MAK: variants seen among roughly 807,000 people sequenced by gnomAD.
MAK encodes male germ cell associated kinase.
MAK carries 65 observed loss-of-function variants against 82.6 expected under a neutral mutation model. That is an observed-to-expected ratio of 0.79 (90% CI 0.64 to 0.97). The LOEUF is 0.97. Among genes scored for constraint, MAK ranks in the 50% least tolerant of loss-of-function variants. The pLI, the probability that MAK is intolerant of heterozygous loss-of-function variation, is 0.00. For synonymous variants in MAK, 250 were observed against 274.2 expected (o/e 0.91, Z 0.87); for missense variants, 703 against 780.2 (o/e 0.90, Z 1.18).
chr6:10,814,836 G>A (rs762267764), intron 4 of MAK, among the ~76,000 whole-genome samples: 5 of 151,846 alleles, frequency 3.3e-5, no homozygotes, highest in East Asian at 1.9e-4. Flanking sequence ...TCAGGAGTTC[G>A]AGAGCAGCCT....
chr6:10,818,972 G>A (rs1163942697), intron 2 of MAK, 32 bp from the exon 3 acceptor site: 18 of 1,251,212 alleles, frequency 1.4e-5, no homozygotes, highest in Non-Finnish European at 2.1e-5. Flanking sequence ...TTAGTGTTCA[G>A]GGATTGAGGA....
intron 14 of MAK, among the ~76,000 whole-genome samples, chr6:10,766,776 C>T (rs1772479850): frequency 6.6e-6 from 1 of 152,074 alleles, no homozygotes; most frequent in Non-Finnish European, 1.5e-5. Flanking sequence ...ATGGGTGTGG[C>T]TCTGAGGGCA....
In MAK at chr6:10,800,923, G is replaced by C. The variant is rs1055236802; in HGVS notation, c.831+969C>G. Reference sequence around the variant, plus strand: ...GACCTCAATTTATTTTTTTCCCTAAGAGCTAATGAATTTTCCCAGTATCAC... The same window carrying C: ...GACCTCAATTTATTTTTTTCCCTAACAGCTAATGAATTTTCCCAGTATCAC... On this transcript the variant is annotated intron_variant, in intron 8 of 14. Coordinates refer to ENST00000354489, the MANE Select transcript of MAK (RefSeq NM_001242957.3). This position sits in a 1 kb window ranked among gnomAD's most constrained non-coding sequence, Gnocchi z 4.2. Among the ~76,000 whole-genome samples, 2 of 152,070 alleles carry C rather than the reference G, an allele frequency of 1.3e-5. No homozygotes were observed. The highest frequency in any genetic ancestry group is 2.9e-5 in the Non-Finnish European group (2 of 68,026).
At chr6:10,813,008 C>T (rs571605891) in intron 5 of MAK, among the ~76,000 whole-genome samples, 62 of 139,880 alleles carry the variant, frequency 4.4e-4, no homozygotes, top group African/African-American at 1.6e-3. Context: ...AAGGTGATCC[C>T]CCCCCCCGCC....
In MAK at chr6:10,836,369, C is replaced by T. The variant is rs865854875; in HGVS notation, c.-230+2134G>A. Among the ~76,000 whole-genome samples, 4 of 152,274 alleles carry T rather than the reference C, an allele frequency of 2.6e-5. No individual in the cohort carries two copies. The South Asian group carries it at 8.3e-4, about 32-fold the overall frequency. On this transcript the variant is annotated intron_variant, in intron 1 of 14. Transcript: ENST00000354489. Reference sequence around the variant, plus strand: ...ACATTAATTACAAAATCAACAGCTGCCCAGGGTGAGACGCTGATCATTGCA... The same window carrying T: ...ACATTAATTACAAAATCAACAGCTGTCCAGGGTGAGACGCTGATCATTGCA...
intron 1 of MAK, among the ~76,000 whole-genome samples, chr6:10,834,169 T>C (rs942881967): frequency 3.3e-5 from 5 of 152,218 alleles, no homozygotes; most frequent in African/African-American, 1.2e-4. Flanking sequence ...CTTTTCTAGC[T>C]AGCCTATTTA....
At chr6:10,785,519 C>G (rs1050499014) in intron 10 of MAK, among the ~76,000 whole-genome samples, 1 of 152,090 alleles carries the variant, frequency 6.6e-6, no homozygotes, top group Non-Finnish European at 1.5e-5. Context: ...GAAATGGATA[C>G]TCACTTGGGT....
chr6:10,821,631 A>G (rs578180160), intron 2 of MAK, among the ~76,000 whole-genome samples: 1 of 152,318 alleles, frequency 6.6e-6, no homozygotes, highest in South Asian at 2.1e-4. Context: ...CGTTCAAGTT[A>G]CTTTTCAAGC....
chr6:10,773,443 C>T (rs995851630), intron 12 of MAK, among the ~76,000 whole-genome samples: 1 of 152,122 alleles, frequency 6.6e-6, no homozygotes, highest in Non-Finnish European at 1.5e-5. Context: ...TTTAAAGAAT[C>T]TGGAAAACTT....
At chr6:10,820,515 A>G (rs1162866599) in intron 2 of MAK, among the ~76,000 whole-genome samples, 1 of 152,196 alleles carries the variant, frequency 6.6e-6, no homozygotes, top group East Asian at 1.9e-4. Context: ...TACAGTAGAA[A>G]CTACTGCATA....
chr6:10,808,674 T>C, intron 6 of MAK, 136 bp downstream of exon 6: 1 of 925,542 alleles, frequency 1.1e-6, no homozygotes, highest in Admixed American at 1.9e-5. Flanking sequence ...AATCCTTCGC[T>C]TTCTTTAAAG....
Position 10,770,189 on chromosome 6 carries a change from T to C in MAK, c.1714A>G (p.Ile572Val), listed in dbSNP as rs1347044315. The C allele has an allele frequency of 6.2e-7, 1 of 1,614,152 alleles. No individual in the cohort carries two copies. Among genetic ancestry groups the C allele is most frequent in the Admixed American group, 1.7e-5 (1 of 60,014 alleles). The change falls in exon 14 of 15, where the codon ATT becomes GTT. Residue 572 changes from isoleucine (I) to valine (V), a missense_variant. Transcript: ENST00000354489. ...SYATYNQSGY[I>V]PSFLKKEVQS... ...ACTTCTTTTTTGAGAAAGGAAGGAA[T>C]ATATCCTGACTGATTGTAAGTAGCA...
chr6:10,834,085 ATTTC>A (rs1778997005), intron 1 of MAK, among the ~76,000 whole-genome samples: 1 of 152,128 alleles, frequency 6.6e-6, no homozygotes. Context: ...ACTAAAATAT[ATTTC>A]TTCTCATTTA....
intron 1 of MAK, among the ~76,000 whole-genome samples, chr6:10,833,922 T>A (rs1778984267): frequency 6.6e-6 from 1 of 152,182 alleles, no homozygotes; most frequent in Non-Finnish European, 1.5e-5. Context: ...TATTAAGGTG[T>A]TAATATAGAG....
chr6:10,768,532 G>C (rs2127508462), intron 14 of MAK, among the ~76,000 whole-genome samples: 1 of 152,236 alleles, frequency 6.6e-6, no homozygotes, highest in Admixed American at 6.5e-5. Flanking sequence ...AGTGAGCTGA[G>C]ATCACACCAC....
chr6:10,833,792 C>T (rs974049959), intron 1 of MAK, among the ~76,000 whole-genome samples: 1 of 151,974 alleles, frequency 6.6e-6, no homozygotes, highest in African/African-American at 2.4e-5. Flanking sequence ...GGGTTTCTTC[C>T]TTTTTGTCAG....
intron 5 of MAK, among the ~76,000 whole-genome samples, chr6:10,810,345 C>CTTTTTTTTTT (rs111859354): frequency 3.3e-5 from 4 of 121,664 alleles, no homozygotes; most frequent in Admixed American, 8.8e-5. Context: ...TTATCTTTTT[C>CTTTTTTTTTT]TTTTTTTTTT....
intron 8 of MAK, among the ~76,000 whole-genome samples, chr6:10,799,063 TCAAGTG>T (rs1775810001): frequency 1.3e-5 from 2 of 152,108 alleles, no homozygotes; most frequent in Non-Finnish European, 2.9e-5. Flanking sequence ...ACTCCTGACC[TCAAGTG>T]ATCCGCCTGC....
At chr6:10,768,423 CA>C (rs1364603339) in intron 14 of MAK, among the ~76,000 whole-genome samples, 1 of 151,552 alleles carries the variant, frequency 6.6e-6, no homozygotes, top group African/African-American at 2.4e-5. Flanking sequence ...ACTAAAAATA[CA>C]AAAAAAATTA....
Sources: allele counts gnomAD v4.1 joint callset (sites outside exome capture counted in the v4.1 genomes callset), GRCh38; gene constraint gnomAD v4.1.1; non-coding constraint Gnocchi (gnomAD v3.1); transcripts MANE v1.5; gene names NCBI Gene and HGNC (gene_info 2026-07-23, HGNC 2026-07-21).